The following DPYD variants were observed in gnomAD, a reference collection of about 807,000 sequenced individuals.
DPYD encodes dihydropyrimidine dehydrogenase [NADP(+)].
In DPYD, 109 loss-of-function variants were observed where a neutral mutation model predicts 116.2. The observed-to-expected ratio is 0.94, with a 90% CI of 0.80 to 1.10. The LOEUF is 1.10. Among genes scored for constraint, DPYD ranks in the 50% least tolerant of loss-of-function variants. DPYD has a pLI of 0.00. For missense variants in DPYD, 1,302 were observed against 1,254.5 expected, an observed-to-expected ratio of 1.04 and a Z score of -0.57; for synonymous variants, 440 against 432.0, an observed-to-expected ratio of 1.02 and a Z score of -0.23.
intron 7 of DPYD, among the ~76,000 whole-genome samples, chr1:97,682,823 A>C (rs2100926380): frequency 6.6e-6 from 1 of 152,202 alleles, no homozygotes; most frequent in Non-Finnish European, 1.5e-5. Context: ...TGACTTTAGT[A>C]ACATATTATT....
At position 97,538,770 on chromosome 1, in the gene DPYD, G is replaced by A. The variant is rs189771138; in HGVS notation, c.1524+10790C>T. On this transcript the variant is annotated intron_variant, in intron 12 of 22. Coordinates refer to ENST00000370192, the MANE Select transcript of DPYD (RefSeq NM_000110.4). The stretch of plus-strand genomic sequence containing the variant: ...GAAACTGAAGATACTTGTGCTTCAT[G>A]AGCTTACAGGGTTAAGGAATGTATT... Among the ~76,000 whole-genome samples, 211 of 152,274 alleles carry A rather than the reference G, an allele frequency of 1.4e-3. 3 individuals carry two copies. The highest frequency in any genetic ancestry group is 5.4e-3 in the South Asian group (26 of 4,828).
At chr1:97,621,488 T>C (rs547559558) in intron 8 of DPYD, among the ~76,000 whole-genome samples, 1 of 152,228 alleles carries the variant, frequency 6.6e-6, no homozygotes, top group Admixed American at 6.5e-5. Context: ...TAGCATTTTA[T>C]TCAAAAATCA....
intron 14 of DPYD, among the ~76,000 whole-genome samples, chr1:97,420,348 G>C (rs1674515201): frequency 6.6e-6 from 1 of 152,074 alleles, no homozygotes; most frequent in South Asian, 2.1e-4. Flanking sequence ...AATTTTCTGG[G>C]GTTGAAGATG....
At chr1:97,536,714 C>G (rs1650026571) in intron 12 of DPYD, among the ~76,000 whole-genome samples, 1 of 152,254 alleles carries the variant, frequency 6.6e-6, no homozygotes, top group Non-Finnish European at 1.5e-5. Flanking sequence ...CAAATTATAG[C>G]CTTTTCTCTT....
intron 18 of DPYD, among the ~76,000 whole-genome samples, chr1:97,250,200 A>G (rs1174500410): frequency 6.6e-6 from 1 of 151,954 alleles, no homozygotes. Context: ...AACATGGGAG[A>G]CGGAGGTTGC....
intron 18 of DPYD, among the ~76,000 whole-genome samples, chr1:97,257,611 C>A (rs1190284890): frequency 6.6e-6 from 1 of 151,222 alleles, no homozygotes; most frequent in African/African-American, 2.4e-5. Flanking sequence ...TATATCTTCC[C>A]AGCTATTTTT....
chr1:97,834,533 CA>C (rs1669675181), intron 2 of DPYD, among the ~76,000 whole-genome samples: 1 of 151,876 alleles, frequency 6.6e-6, no homozygotes, highest in Non-Finnish European at 1.5e-5. Flanking sequence ...AGAGAATTAT[CA>C]CAAGGGAAAC....
In DPYD at chr1:97,206,684, ATAT is replaced by A. The variant is rs1305211166; in HGVS notation, c.2443-13439_2443-13437del. 2.3e-3 allele frequency among the ~76,000 whole-genome samples: 212 copies of A among 90,264 alleles called. 8 individuals are homozygous for A. Among genetic ancestry groups the A allele is most frequent in the East Asian group, 0.017 (25 of 1,466 alleles). 59.2% of individuals were successfully genotyped at this position (90,264 alleles called of 152,430 possible). ...TATATATATATATATATATATATATATATAATCTATATGCTTATAATGCATATG... is the reference window on the plus strand; with the variant it reads ...TATATATATATATATATATATATATAAATCTATATGCTTATAATGCATATG... On this transcript the variant is annotated intron_variant, in intron 19 of 22. Transcript: ENST00000370192.
intron 20 of DPYD, among the ~76,000 whole-genome samples, chr1:97,119,195 T>C (rs1652227276): frequency 6.6e-6 from 1 of 152,216 alleles, no homozygotes; most frequent in Admixed American, 6.5e-5. Flanking sequence ...TTCTGGCTTA[T>C]GAACATTGAG....
At chr1:97,180,365 G>A (rs1430219070) in intron 20 of DPYD, among the ~76,000 whole-genome samples, 1 of 152,038 alleles carries the variant, frequency 6.6e-6, no homozygotes, top group Admixed American at 6.6e-5. Context: ...ACAAATACAT[G>A]TTTTTCTCAG....
intron 3 of DPYD, among the ~76,000 whole-genome samples, chr1:97,770,992 T>A (rs979618969): frequency 3.9e-5 from 6 of 152,180 alleles, no homozygotes; most frequent in Non-Finnish European, 8.8e-5. Context: ...AATCAAAATG[T>A]ACGTTTTCTA....
Position 97,495,850 on chromosome 1 carries a change from ACT to A in DPYD, c.1740+19874_1740+19875del, listed in dbSNP as rs1188858990. ...AATTAAATAGAATTTGAAATTTAGAACTCTGCATTAGTACCTATATCACATCT... is the reference window on the plus strand; with the variant it reads ...AATTAAATAGAATTTGAAATTTAGAACTGCATTAGTACCTATATCACATCT... On this transcript the variant is annotated intron_variant, in intron 13 of 22. Transcript: ENST00000370192. Among the ~76,000 whole-genome samples, 5 of 152,234 alleles carry A rather than the reference ACT, an allele frequency of 3.3e-5. No homozygotes were observed. The East Asian group carries it at 7.7e-4, about 24-fold the overall frequency.
chr1:97,165,970 G>C (rs1184189891), intron 20 of DPYD, among the ~76,000 whole-genome samples: 2 of 152,102 alleles, frequency 1.3e-5, no homozygotes, highest in South Asian at 2.1e-4. Flanking sequence ...CTTATACACT[G>C]TTGGTGTGAG....
intron 20 of DPYD, among the ~76,000 whole-genome samples, chr1:97,146,344 A>G (rs1371532266): frequency 6.6e-6 from 1 of 152,204 alleles, no homozygotes; most frequent in African/African-American, 2.4e-5. Flanking sequence ...AGTGAAGGGA[A>G]GATATTATCG....
At chr1:97,337,651 CATTTTTT>C (rs1394368909) in intron 16 of DPYD, among the ~76,000 whole-genome samples, 1 of 80,032 alleles carries the variant, frequency 1.2e-5, no homozygotes, top group Non-Finnish European at 3.4e-5. Context: ...TGACTTAACA[CATTTTTT>C]TTTTTTTTTT....
At chr1:97,470,097 C>T (rs979339628) in intron 13 of DPYD, among the ~76,000 whole-genome samples, 1 of 152,082 alleles carries the variant, frequency 6.6e-6, no homozygotes. Flanking sequence ...TTAAGAGATA[C>T]AGGTATATAT....
chr1:97,662,217 GTC>G, intron 8 of DPYD, among the ~76,000 whole-genome samples: 1 of 150,652 alleles, frequency 6.6e-6, no homozygotes, highest in East Asian at 2.0e-4. Flanking sequence ...AGCCAGGATG[GTC>G]TCTCGATCTC....
At chr1:97,214,050 A>G (rs981126676) in intron 19 of DPYD, among the ~76,000 whole-genome samples, 11 of 152,124 alleles carry the variant, frequency 7.2e-5, no homozygotes, top group African/African-American at 2.7e-4. Flanking sequence ...ATTTCAGAGC[A>G]CTTCTCCTGG....
At chr1:97,720,063 C>A in intron 5 of DPYD, 1 of 984,794 alleles carries the variant, frequency 1.0e-6, no homozygotes, top group South Asian at 4.7e-5. Flanking sequence ...TAAGAGTTCC[C>A]AGAGGGACAG....
Sources: allele counts gnomAD v4.1 joint callset (sites outside exome capture counted in the v4.1 genomes callset), GRCh38; gene constraint gnomAD v4.1.1; transcripts MANE v1.5; gene names NCBI Gene and HGNC (gene_info 2026-07-23, HGNC 2026-07-21).